CA12: variants seen among roughly 807,000 people sequenced by gnomAD.
The protein encoded by CA12 is carbonate dehydratase XII.
CA12 carries 36 observed loss-of-function variants against 46.8 expected under a neutral mutation model. The observed-to-expected ratio is 0.77, with a 90% CI of 0.59 to 1.02. CA12 has a LOEUF of 1.02. CA12 is among the 50% of genes least tolerant of loss of function. The pLI is 0.00. For missense variants in CA12, 436 were observed against 451.4 expected (o/e 0.97, Z 0.31); for synonymous variants, 202 against 187.0 (o/e 1.08, Z -0.65).
At position 63,372,507 on chromosome 15, in the gene CA12, G is replaced by A. The variant is rs940742755; in HGVS notation, c.106+3151C>T. On this transcript the variant is annotated intron_variant, in intron 2 of 10. Transcript: ENST00000178638. The surrounding 1 kb of genome is among the most constrained non-coding windows in gnomAD (Gnocchi z 4.5). Reference sequence around the variant, plus strand: ...TACTTCTAAAAGTCCTACCATGTGTGCCAGACAGTGGGAGGCCCCTGGAGA... The same window carrying A: ...TACTTCTAAAAGTCCTACCATGTGTACCAGACAGTGGGAGGCCCCTGGAGA... Among the ~76,000 whole-genome samples, 7 of 152,220 alleles carry A rather than the reference G, an allele frequency of 4.6e-5. No homozygotes were observed. Among genetic ancestry groups the A allele is most frequent in the African/African-American group, 1.7e-4 (7 of 41,450 alleles).
chr15:63,342,415 T>A (rs2039091334), intron 4 of CA12, among the ~76,000 whole-genome samples: 1 of 152,228 alleles, frequency 6.6e-6, no homozygotes, highest in African/African-American at 2.4e-5. Context: ...TTTAACTTTT[T>A]TCTGACTGGC....
intron 2 of CA12, among the ~76,000 whole-genome samples, chr15:63,359,223 T>C (rs955475997): frequency 1.3e-5 from 2 of 152,178 alleles, no homozygotes; most frequent in Non-Finnish European, 2.9e-5. Flanking sequence ...TAAAACCAGA[T>C]GTGGCTGGAA....
intron 2 of CA12, among the ~76,000 whole-genome samples, chr15:63,358,576 C>T (rs147425071): frequency 6.6e-6 from 1 of 152,200 alleles, no homozygotes; most frequent in Admixed American, 6.5e-5. Context: ...GCCTTCCCAG[C>T]ACTCATCTTT....
rs1400942765 is a variant in CA12, at chr15:63,327,057, G to A, written c.992+92C>T. The A allele has an allele frequency of 4.3e-5, 49 of 1,147,632 alleles. No individual in the cohort carries two copies. The highest frequency in any genetic ancestry group is 5.6e-5 in the Non-Finnish European group (43 of 765,270). The allele number at this position is 1,147,632 out of a possible 1,614,324, so 71.1% of individuals were successfully genotyped here. ...GGTAAGTGGTGGTCCAGGTGACTGC[G>A]GCTCTTCATGCCACAAAGCTGCCTT... On this transcript the variant is annotated intron_variant, in intron 10 of 10. Transcript: ENST00000178638. The surrounding 1 kb of genome is among the most constrained non-coding windows in gnomAD (Gnocchi z 4.5).
intron 2 of CA12, among the ~76,000 whole-genome samples, chr15:63,346,950 C>T (rs1214156785): frequency 6.6e-6 from 1 of 152,196 alleles, no homozygotes; most frequent in Non-Finnish European, 1.5e-5. Flanking sequence ...GCCAGAAGGC[C>T]ACCGAACTCT....
rs2038887714 is a variant in CA12, at chr15:63,327,839, C to T, written c.907+259G>A. Among the ~76,000 whole-genome samples, 1 of 152,222 alleles carries T rather than the reference C, an allele frequency of 6.6e-6. No homozygotes were observed. The highest frequency in any genetic ancestry group is 1.5e-5 in the Non-Finnish European group (1 of 68,046). On this transcript the variant is annotated intron_variant, in intron 9 of 10. Transcript: ENST00000178638. This position sits in a 1 kb window ranked among gnomAD's most constrained non-coding sequence, Gnocchi z 4.5. Reference sequence around the variant, plus strand: ...GTATGTTTTCAGCAACAGCCTCCCACCATGACCAAAAGAAAGTCTTAGATA... The same window carrying T: ...GTATGTTTTCAGCAACAGCCTCCCATCATGACCAAAAGAAAGTCTTAGATA...
intron 1 of CA12, among the ~76,000 whole-genome samples, chr15:63,380,561 T>C (rs1423379228): frequency 1.3e-5 from 2 of 152,202 alleles, no homozygotes; most frequent in African/African-American, 4.8e-5. Context: ...ATCGCTCCTT[T>C]CTCCCAACTT....
chr15:63,344,301 C>G (rs1019437545), intron 4 of CA12, among the ~76,000 whole-genome samples: 1 of 152,256 alleles, frequency 6.6e-6, no homozygotes, highest in Non-Finnish European at 1.5e-5. Context: ...CTGCCCTTTC[C>G]CCTTTAAATA....
intron 8 of CA12, among the ~76,000 whole-genome samples, chr15:63,332,079 A>G (rs2038944784): frequency 6.6e-6 from 1 of 152,192 alleles, no homozygotes. Flanking sequence ...AAGAGGTCAG[A>G]GAGTTTAGAT....
At chr15:63,332,744 G>A (rs566799084) in intron 8 of CA12, among the ~76,000 whole-genome samples, 20 of 152,260 alleles carry the variant, frequency 1.3e-4, no homozygotes, top group Admixed American at 3.9e-4. Flanking sequence ...ACAATAAAAC[G>A]AAAAGGTGAC....
chr15:63,321,827 A>G lies in CA12; in HGVS notation c.*4458T>C, dbSNP rs1027767726. On this transcript the variant is annotated 3_prime_UTR_variant, in exon 11 of 11. Transcript: ENST00000178638. This position sits in a 1 kb window ranked among gnomAD's most constrained non-coding sequence, Gnocchi z 4.5. The stretch of plus-strand genomic sequence containing the variant: ...ACTCCCGACCGCGGGGACCTGGGGC[A>G]CAGCCGGGCCCACTGCGGCGAGGCG... 2.6e-5 allele frequency: 4 copies of G among 152,364 alleles called. No homozygotes were observed. The highest frequency in any genetic ancestry group is 4.4e-5 in the Non-Finnish European group (3 of 68,112). The allele number at this position is 152,364 out of a possible 1,614,324, so 9.4% of individuals were successfully genotyped here.
At position 63,338,800 on chromosome 15, in the gene CA12, CA is replaced by C; in HGVS notation, c.874+18del. On this transcript the variant is annotated intron_variant, in intron 8 of 10. Transcript: ENST00000178638. ...ACCACACTCCCGCACCCCCTCCCCC[CA>C]GCACTGCCTCTCCTCACCTTGGGAG... is the stretch of plus-strand genomic sequence containing the variant. 1 of 1,613,762 alleles carries C rather than the reference CA, an allele frequency of 6.2e-7. No individual in the cohort carries two copies. Among genetic ancestry groups the C allele is most frequent in the Non-Finnish European group, 8.5e-7 (1 of 1,179,988 alleles).
chr15:63,348,867 A>G lies in CA12; in HGVS notation c.107-2158T>C, dbSNP rs372793295. ...GAAACATTTTCCCAAAGAGTGAAAAAGAACAGAGGGCTTGGGAAAATGTGA... is the reference window on the plus strand; with the variant it reads ...GAAACATTTTCCCAAAGAGTGAAAAGGAACAGAGGGCTTGGGAAAATGTGA... On this transcript the variant is annotated intron_variant, in intron 2 of 10. Coordinates refer to ENST00000178638, the MANE Select transcript of CA12 (RefSeq NM_001218.5). This position sits in a 1 kb window ranked among gnomAD's most constrained non-coding sequence, Gnocchi z 4.6. Among the ~76,000 whole-genome samples the G allele has an allele frequency of 4.1e-3, 627 of 152,340 alleles. 2 individuals carry two copies. Among genetic ancestry groups the G allele is most frequent in the Middle Eastern group, 0.014 (4 of 294 alleles).
chr15:63,338,848 T>G lies in CA12; in HGVS notation c.845A>C (p.Glu282Ala). The G allele has an allele frequency of 1.2e-6, 2 of 1,614,148 alleles. No homozygotes were observed. The highest frequency in any genetic ancestry group is 1.7e-6 in the Non-Finnish European group (2 of 1,180,026). ...GGAGAAGGAGGTGTATACCAGCCTC[T>G]CATCGAACTTCTGGACCTGCCGGAA... ...NNFRQVQKFDERLVYTSFSQV... is the reference protein window; with the variant it reads ...NNFRQVQKFDARLVYTSFSQV... The change falls in exon 8 of 11, where the codon GAG becomes GCG. Residue 282 changes from glutamate to alanine, a missense_variant. Transcript: ENST00000178638.
At position 63,378,530 on chromosome 15, in the gene CA12, G is replaced by A. The variant is rs2039606315; in HGVS notation, c.86-2852C>T. On this transcript the variant is annotated intron_variant, in intron 1 of 10. Transcript: ENST00000178638. The surrounding 1 kb of genome is among the most constrained non-coding windows in gnomAD (Gnocchi z 4.8). ...TCAACCTCCCTTGAATTAGTAATTA[G>A]ACATTCAGAACCACGGGGAAACCAA... Among the ~76,000 whole-genome samples, 1 of 152,140 alleles carries A rather than the reference G, an allele frequency of 6.6e-6. No homozygotes were observed. Among genetic ancestry groups the A allele is most frequent in the Non-Finnish European group, 1.5e-5 (1 of 68,026 alleles).
At chr15:63,338,402 G>T (rs886244161) in intron 8 of CA12, among the ~76,000 whole-genome samples, 3 of 152,170 alleles carry the variant, frequency 2.0e-5, no homozygotes, top group African/African-American at 7.2e-5. Context: ...ACCTGGCCAG[G>T]CCTAAGATAG....
Position 63,355,439 on chromosome 15 carries a change from T to C in CA12, c.107-8730A>G, listed in dbSNP as rs1002216322. 6.6e-6 allele frequency among the ~76,000 whole-genome samples: 1 copy of C among 152,182 alleles called. No homozygotes were observed. The highest frequency in any genetic ancestry group is 1.5e-5 in the Non-Finnish European group (1 of 68,014). On this transcript the variant is annotated intron_variant, in intron 2 of 10. Coordinates refer to ENST00000178638, the MANE Select transcript of CA12 (RefSeq NM_001218.5). The surrounding 1 kb of genome is among the most constrained non-coding windows in gnomAD (Gnocchi z 4.1). The stretch of plus-strand genomic sequence containing the variant: ...TCACCGCCTAGGAACTCATTCAAAA[T>C]GCAGAGTCTCGGGCCCCACCCCAGG...
Position 63,355,963 on chromosome 15 carries a change from T to A in CA12, c.107-9254A>T, listed in dbSNP as rs2039290310. Among the ~76,000 whole-genome samples the A allele has an allele frequency of 6.6e-6, 1 of 152,258 alleles. No homozygotes were observed. Among genetic ancestry groups the A allele is most frequent in the African/African-American group, 2.4e-5 (1 of 41,474 alleles). ...ATCTCTGAACAGAAAGGACTACAGA[T>A]ACCGTCTTTTTCATGCACTGTTATA... On this transcript the variant is annotated intron_variant, in intron 2 of 10. Transcript: ENST00000178638. The surrounding 1 kb of genome is among the most constrained non-coding windows in gnomAD (Gnocchi z 4.1).
chr15:63,346,097 C>T (rs2039143921), intron 3 of CA12, among the ~76,000 whole-genome samples: 1 of 152,186 alleles, frequency 6.6e-6, no homozygotes, highest in African/African-American at 2.4e-5. Flanking sequence ...GATGGAAGCT[C>T]AAGGAGACTA....
Sources: allele counts gnomAD v4.1 joint callset (sites outside exome capture counted in the v4.1 genomes callset), GRCh38; gene constraint gnomAD v4.1.1; non-coding constraint Gnocchi (gnomAD v3.1); transcripts MANE v1.5; gene names NCBI Gene and HGNC (gene_info 2026-07-23, HGNC 2026-07-21).